Variants in ENTREP2 observed in about 807,000 individuals in gnomAD.
ENTREP2 encodes the protein endosomal transmembrane epsin interactor 2.
chr15:29,529,282 T>A, the ENTREP2 span, among the ~76,000 whole-genome samples: 1 of 108,638 alleles, frequency 9.2e-6, no homozygotes, highest in African/African-American at 3.5e-5. Context: ...TGGTAGCTAA[T>A]CCAGTAAAGG....
the ENTREP2 span, among the ~76,000 whole-genome samples, chr15:29,322,538 T>G: frequency 6.6e-6 from 1 of 152,174 alleles, no homozygotes; most frequent in East Asian, 1.9e-4. Flanking sequence ...AGGGAAAAAT[T>G]AAGTTGGAAG....
At chr15:29,375,785 T>C in the ENTREP2 span, 1 of 152,106 alleles carries the variant, frequency 6.6e-6, no homozygotes, top group Non-Finnish European at 1.5e-5. Context: ...GCCAAAGGCA[T>C]GGTGGATGTG....
the ENTREP2 span, among the ~76,000 whole-genome samples, chr15:29,178,180 G>C: frequency 6.6e-6 from 1 of 151,576 alleles, no homozygotes; most frequent in East Asian, 2.0e-4. Flanking sequence ...TATGGTCCCA[G>C]CTACTCCAGA....
the ENTREP2 span, among the ~76,000 whole-genome samples, chr15:29,551,820 G>T: frequency 1.6e-3 from 236 of 152,204 alleles, 1 homozygote; most frequent in African/African-American, 5.3e-3. Context: ...CAAGGGAGAA[G>T]CAAGTAAACA....
At chr15:29,184,619 G>T in the ENTREP2 span, among the ~76,000 whole-genome samples, 4 of 152,198 alleles carry the variant, frequency 2.6e-5, no homozygotes, top group Admixed American at 2.6e-4. Flanking sequence ...CTTCACTGCG[G>T]TTGGGGTGGT....
chr15:29,332,007 C>G, the ENTREP2 span, among the ~76,000 whole-genome samples: 1 of 152,142 alleles, frequency 6.6e-6, no homozygotes, highest in African/African-American at 2.4e-5. Flanking sequence ...ATTCTTCTGC[C>G]AGGATTAACT....
At chr15:29,540,644 A>C in the ENTREP2 span, among the ~76,000 whole-genome samples, 20 of 152,342 alleles carry the variant, frequency 1.3e-4, no homozygotes, top group Middle Eastern at 3.4e-3. Flanking sequence ...ACGAAAACCT[A>C]ACACTTTGCC....
At chr15:29,551,478 T>TATTACG in the ENTREP2 span, among the ~76,000 whole-genome samples, 2 of 152,278 alleles carry the variant, frequency 1.3e-5, no homozygotes, top group East Asian at 3.9e-4. Flanking sequence ...TGTGCTTCAT[T>TATTACG]ATTACGTGCT....
the ENTREP2 span, among the ~76,000 whole-genome samples, chr15:29,654,773 A>G: frequency 1.3e-5 from 2 of 152,212 alleles, no homozygotes; most frequent in Admixed American, 1.3e-4. Flanking sequence ...AGACAACAGA[A>G]TTGCCTTTGA....
chr15:29,200,603 G>T, the ENTREP2 span, among the ~76,000 whole-genome samples: 1 of 151,796 alleles, frequency 6.6e-6, no homozygotes, highest in South Asian at 2.1e-4. Context: ...TTGTTGCCCA[G>T]GCTGGTGTGC....
At chr15:29,268,749 G>C in the ENTREP2 span, 1 of 1,550,226 alleles carries the variant, frequency 6.5e-7, no homozygotes, top group Non-Finnish European at 8.7e-7. Flanking sequence ...TGTGCCTTTG[G>C]GTCTCAGACC....
the ENTREP2 span, among the ~76,000 whole-genome samples, chr15:29,246,822 G>A: frequency 2.6e-5 from 4 of 152,094 alleles, no homozygotes; most frequent in East Asian, 7.7e-4. Context: ...GGAATTATCC[G>A]CTACTCCCTG....
the ENTREP2 span, among the ~76,000 whole-genome samples, chr15:29,455,563 C>T: frequency 2.0e-5 from 3 of 152,150 alleles, no homozygotes; most frequent in African/African-American, 2.4e-5. Context: ...TAGGTGAGGA[C>T]CTAACAATGT....
At chr15:29,649,513 G>A in the ENTREP2 span, among the ~76,000 whole-genome samples, 1 of 151,988 alleles carries the variant, frequency 6.6e-6, no homozygotes. Flanking sequence ...CTGAGGTCAG[G>A]AGTTTGAGAC....
chr15:29,392,232 G>A, the ENTREP2 span, among the ~76,000 whole-genome samples: 1 of 150,394 alleles, frequency 6.6e-6, no homozygotes, highest in South Asian at 2.1e-4. Context: ...AAAGTGCAGG[G>A]ATTACAGGCG....
the ENTREP2 span, among the ~76,000 whole-genome samples, chr15:29,595,067 C>CAAAAAAAAAAAA: frequency 6.9e-5 from 6 of 86,592 alleles, no homozygotes; most frequent in Middle Eastern, 5.7e-3. Flanking sequence ...GACTCCGTCT[C>CAAAAAAAAAAAA]AAAAAAAAAA....
At chr15:29,379,192 A>G in the ENTREP2 span, among the ~76,000 whole-genome samples, 3 of 152,322 alleles carry the variant, frequency 2.0e-5, no homozygotes, top group East Asian at 5.8e-4. Context: ...AAAGGCAAGC[A>G]ATGAATGTCA....
At chr15:29,308,394 G>A in the ENTREP2 span, among the ~76,000 whole-genome samples, 2 of 152,212 alleles carry the variant, frequency 1.3e-5, no homozygotes, top group South Asian at 2.1e-4. Context: ...AAAGGAAAGC[G>A]TGGTGACTTG....
the ENTREP2 span, among the ~76,000 whole-genome samples, chr15:29,409,348 CTTTTTTT>C: frequency 6.7e-6 from 1 of 148,236 alleles, no homozygotes; most frequent in Non-Finnish European, 1.5e-5. Flanking sequence ...ATTAATTTTT[CTTTTTTT>C]TTTGGAGATG....
Sources: gnomAD v4.1 joint callset for allele counts (sites outside exome capture counted in the v4.1 genomes callset) on GRCh38, gnomAD v4.1.1 for gene constraint, MANE v1.5 for transcripts, NCBI Gene and HGNC (gene_info 2026-07-23, HGNC 2026-07-21) for gene names.